The following FAAH variants were observed in gnomAD, a reference collection of about 807,000 sequenced individuals.
FAAH encodes fatty acid amide hydrolase.
Under a neutral mutation model 69.7 loss-of-function variants are expected in FAAH, and 63 were observed. The observed-to-expected ratio is 0.90, with a 90% CI of 0.74 to 1.12. The LOEUF (loss-of-function observed/expected upper bound fraction) is 1.12. FAAH is among the 50% of genes most tolerant of loss of function. FAAH has a pLI of 0.00. For synonymous variants in FAAH, 305 were observed against 324.2 expected, an observed-to-expected ratio of 0.94 and a Z score of 0.64; for missense variants, 680 against 755.0, an observed-to-expected ratio of 0.90 and a Z score of 1.16.
chr1:46,410,845 T>G lies in FAAH; in HGVS notation c.1307T>G (p.Met436Arg), dbSNP rs747068825. Residue 436 changes from methionine to arginine, a missense_variant, in exon 11 of 15, where the codon ATG becomes AGG. Transcript: ENST00000243167. The surrounding 1 kb of genome is among the most constrained non-coding windows in gnomAD (Gnocchi z 4.9). ...LPRLSAFLSNMKSRSAGKLWE... is the reference protein window; with the variant it reads ...LPRLSAFLSNRKSRSAGKLWE... ...AGGCTGTCAGCTTTCCTCAGCAACA[T>G]GAAGTCTCGGTAAGGGTTCTTCTGT... is the stretch of plus-strand genomic sequence containing the variant. 1.2e-6 allele frequency: 2 copies of G among 1,614,148 alleles called. No homozygotes were observed. The highest frequency in any genetic ancestry group is 1.7e-6 in the Non-Finnish European group (2 of 1,180,014).
rs1013454026 is a variant in FAAH at position 46,412,233 on chromosome 1, G to A, written c.1447G>A (p.Ala483Thr). Residue 483 changes from alanine to threonine, a missense_variant, in exon 13 of 15, where the codon GCC (alanine) becomes ACC (threonine). Transcript: ENST00000243167. ...PMLAPALDLN[A>T]PGRATGAVSY... The stretch of plus-strand genomic sequence containing the variant: ...GCTGGCCCCTGCTCTGGACTTGAAT[G>A]CCCCAGGCAGGGCCACAGGTGAGGC... The A allele has an allele frequency of 6.4e-7, 1 of 1,553,522 alleles. No individual in the cohort carries two copies. The highest frequency in any genetic ancestry group is 1.4e-5 in the African/African-American group (1 of 73,136).
chr1:46,398,106 G>A (rs1215541574), intron 1 of FAAH, among the ~76,000 whole-genome samples: 1 of 151,844 alleles, frequency 6.6e-6, no homozygotes, highest in Non-Finnish European at 1.5e-5. Flanking sequence ...GCTAATTTTT[G>A]TATTTTTTAG....
At chr1:46,402,027 G>C in intron 1 of FAAH, 64 bp from the exon 2 acceptor site, 1 of 1,372,616 alleles carries the variant, frequency 7.3e-7, no homozygotes, top group South Asian at 1.2e-5. Context: ...TGGGCCACTG[G>C]TGTCTGCTGC....
intron 1 of FAAH, among the ~76,000 whole-genome samples, chr1:46,398,390 C>T (rs1265377552): frequency 6.6e-6 from 1 of 152,180 alleles, no homozygotes; most frequent in Non-Finnish European, 1.5e-5. Context: ...GTCTGGGCAA[C>T]CTTTCTTCTG....
Position 46,406,335 on chromosome 1 carries a change from C to A in FAAH, c.918C>A (p.Asp306Glu). 6.2e-7 allele frequency: 1 copy of A among 1,613,786 alleles called. No homozygotes were observed. Among genetic ancestry groups the A allele is most frequent in the Admixed American group, 1.7e-5 (1 of 60,008 alleles). ...TGTGTGAGGACATGTTCCGCTTGGA[C>A]CCCACTGTGCCTCCCTTGCCCTTCA... is the stretch of plus-strand genomic sequence containing the variant. The part of the protein sequence containing the change: ...ALLCEDMFRL[D>E]PTVPPLPFRE... The change falls in exon 7 of 15, where the codon GAC becomes GAA. Residue 306 changes from aspartate to glutamate, a missense_variant. Coordinates refer to ENST00000243167, the MANE Select transcript of FAAH (RefSeq NM_001441.3).
chr1:46,394,950 T>G (rs2148442102), intron 1 of FAAH, among the ~76,000 whole-genome samples: 1 of 152,276 alleles, frequency 6.6e-6, no homozygotes, highest in East Asian at 1.9e-4. Flanking sequence ...TTTTTTTTGT[T>G]TTGTTTTGAG....
At chr1:46,402,228 C>CT (rs774632025) in intron 2 of FAAH, 24 bp downstream of exon 2, 1 of 1,554,484 alleles carries the variant, frequency 6.4e-7, no homozygotes, top group South Asian at 1.2e-5. Context: ...AGGCCAGCCC[C>CT]TCCCTGGGAA....
Position 46,411,016 on chromosome 1 carries a change from A to G in FAAH, c.1316+162A>G. 3 of 824,648 alleles carry G rather than the reference A, an allele frequency of 3.6e-6. No individual in the cohort carries two copies. The highest frequency in any genetic ancestry group is 6.2e-6 in the Non-Finnish European group (3 of 486,586). 51.1% of individuals were successfully genotyped at this position (824,648 alleles called of 1,614,324 possible). ...TTGTGGCCTTCAGATGGGACTTTGAAGTTGTCTTGGCAAGGTCCAGTTCTG... is the reference window on the plus strand; with the variant it reads ...TTGTGGCCTTCAGATGGGACTTTGAGGTTGTCTTGGCAAGGTCCAGTTCTG... On this transcript the variant is annotated intron_variant, in intron 11 of 14. Transcript: ENST00000243167. This position sits in a 1 kb window ranked among gnomAD's most constrained non-coding sequence, Gnocchi z 4.8.
chr1:46,406,247 GTC>G lies in FAAH; in HGVS notation c.835_836del (p.Ser279ArgfsTer21). The G allele has an allele frequency of 6.2e-7, 1 of 1,614,054 alleles. No homozygotes were observed. Among genetic ancestry groups the G allele is most frequent in the East Asian group, 2.2e-5 (1 of 44,880 alleles). On this transcript the variant is annotated frameshift_variant, in exon 7 of 15. Transcript: ENST00000243167. LOFTEE classifies it high-confidence loss of function. The stretch of plus-strand genomic sequence containing the variant: ...CCCTCACCTCTCTGCCCCACAGTGC[GTC>G]TCTCCGTGGGCCCCATGGCCCGGGA...
Position 46,405,187 on chromosome 1 carries a change from C to G in FAAH, c.444+39C>G. The G allele has an allele frequency of 6.2e-7, 1 of 1,613,464 alleles. No individual in the cohort carries two copies. On this transcript the variant is annotated intron_variant, in intron 3 of 14. Coordinates refer to ENST00000243167, the MANE Select transcript of FAAH (RefSeq NM_001441.3). The surrounding 1 kb of genome is among the most constrained non-coding windows in gnomAD (Gnocchi z 4.1). The stretch of plus-strand genomic sequence containing the variant: ...CAGCGCCAGGCCTCCATCGTCCCCT[C>G]CATCCCTGCCAGCCTGCTCTGCATC...
intron 1 of FAAH, 43 bp downstream of exon 1, chr1:46,394,586 C>G: frequency 7.8e-7 from 1 of 1,284,744 alleles, no homozygotes; most frequent in Non-Finnish European, 9.8e-7. Context: ...CCTGAGGGTA[C>G]TCGCAGCGGC....
rs77469497 is a variant in FAAH, at chr1:46,411,241, G to A, written c.1317-371G>A. 6.6e-6 allele frequency among the ~76,000 whole-genome samples: 1 copy of A among 152,228 alleles called. No individual in the cohort carries two copies. Among genetic ancestry groups the A allele is most frequent in the Non-Finnish European group, 1.5e-5 (1 of 68,028 alleles). The stretch of plus-strand genomic sequence containing the variant: ...AGGCCCTACTTGCCCCTTAGTGGCT[G>A]GGGCTGGAAAAGCAGGGCGTAAACC... On this transcript the variant is annotated intron_variant, in intron 11 of 14. Coordinates refer to ENST00000243167, the MANE Select transcript of FAAH (RefSeq NM_001441.3). This position sits in a 1 kb window ranked among gnomAD's most constrained non-coding sequence, Gnocchi z 4.8.
intron 1 of FAAH, 81 bp downstream of exon 1, chr1:46,394,624 A>C: frequency 1.7e-6 from 2 of 1,179,612 alleles, no homozygotes; most frequent in Non-Finnish European, 1.1e-6. Flanking sequence ...CCGCCGAGGG[A>C]CAGGGGATGG....
intron 2 of FAAH, among the ~76,000 whole-genome samples, chr1:46,402,643 G>C (rs985631508): frequency 6.6e-6 from 1 of 151,864 alleles, no homozygotes; most frequent in African/African-American, 2.4e-5. Context: ...CTCCCAAGTA[G>C]CTGGGATTAC....
intron 1 of FAAH, among the ~76,000 whole-genome samples, chr1:46,398,972 G>A (rs1394900762): frequency 1.4e-5 from 2 of 145,860 alleles, no homozygotes; most frequent in East Asian, 2.2e-4. Context: ...TTCTGTTGAC[G>A]CTTCACCCAT....
intron 13 of FAAH, 110 bp from the exon 14 acceptor site, chr1:46,412,965 T>C: frequency 7.4e-7 from 1 of 1,356,878 alleles, no homozygotes; most frequent in Non-Finnish European, 1.0e-6. Context: ...GGAGAGAGCC[T>C]TTCTCTGGCT....
intron 7 of FAAH, among the ~76,000 whole-genome samples, chr1:46,406,711 C>T (rs1415670566): frequency 2.6e-5 from 4 of 151,402 alleles, no homozygotes; most frequent in Non-Finnish European, 5.9e-5. Flanking sequence ...ACGCCATTCT[C>T]CTGCCTCAGC....
At position 46,404,717 on chromosome 1, in the gene FAAH, C is replaced by A. The variant is rs1664760260; in HGVS notation, c.310-297C>A. 2.0e-5 allele frequency among the ~76,000 whole-genome samples: 3 copies of A among 152,196 alleles called. No individual in the cohort carries two copies. The South Asian group carries it at 6.2e-4, about 31-fold the overall frequency. On this transcript the variant is annotated intron_variant, in intron 2 of 14. Coordinates refer to ENST00000243167, the MANE Select transcript of FAAH (RefSeq NM_001441.3). This position sits in a 1 kb window ranked among gnomAD's most constrained non-coding sequence, Gnocchi z 4.5. ...GCCAGTGGTCATCTTCCTCCCAGCT[C>A]ACCCCCTACCTGGGGGGCACCTGAG... is the stretch of plus-strand genomic sequence containing the variant.
intron 1 of FAAH, among the ~76,000 whole-genome samples, chr1:46,401,726 G>A (rs998070706): frequency 2.0e-5 from 3 of 152,222 alleles, no homozygotes; most frequent in Non-Finnish European, 4.4e-5. Context: ...GGCAGCCACT[G>A]CTGGTGTATA....
Sources: allele counts gnomAD v4.1 joint callset (sites outside exome capture counted in the v4.1 genomes callset), GRCh38; gene constraint gnomAD v4.1.1; non-coding constraint Gnocchi (gnomAD v3.1); transcripts MANE v1.5; gene names NCBI Gene and HGNC (gene_info 2026-07-23, HGNC 2026-07-21).